Variants in MCPH1 observed in about 807,000 individuals in gnomAD.
The protein encoded by MCPH1 is microcephalin.
MCPH1 carries 104 observed loss-of-function variants against 84.5 expected under a neutral mutation model. That is an observed-to-expected ratio of 1.23 (90% confidence interval 1.05 to 1.45). The LOEUF (loss-of-function observed/expected upper bound fraction) is 1.45, where lower values mean the gene tolerates loss of function less well. Among genes scored for constraint, MCPH1 ranks in the 40% most tolerant of loss-of-function variants. The probability of loss-of-function intolerance (pLI) is 0.00; values close to 1 mark genes in which losing one functional copy is unlikely to be tolerated. For missense variants in MCPH1, 1,498 were observed against 1,005.7 expected, an observed-to-expected ratio of 1.49 and a Z score of -6.62; for synonymous variants, 514 against 366.8, an observed-to-expected ratio of 1.40 and a Z score of -4.58.
chr8:6,546,738 G>A (rs1013553128), intron 12 of MCPH1, among the ~76,000 whole-genome samples: 3 of 152,176 alleles, frequency 2.0e-5, no homozygotes, highest in African/African-American at 7.2e-5. Context: ...CTAGAAGCTT[G>A]CACTTGGTAG....
intron 12 of MCPH1, among the ~76,000 whole-genome samples, chr8:6,547,458 C>T (rs1159765408): frequency 6.6e-6 from 1 of 152,174 alleles, no homozygotes; most frequent in East Asian, 1.9e-4. Flanking sequence ...GCATGCCATT[C>T]AGAACTGACG....
chr8:6,533,569 CTTT>C (rs56882906), intron 12 of MCPH1, among the ~76,000 whole-genome samples: 10 of 113,350 alleles, frequency 8.8e-5, no homozygotes, highest in East Asian at 2.7e-4. Flanking sequence ...CGTTTAGTTT[CTTT>C]TTTTTTTTTT....
chr8:6,477,329 A>T, intron 9 of MCPH1: 1 of 441,358 alleles, frequency 2.3e-6, no homozygotes, highest in Non-Finnish European at 4.0e-6. Context: ...AACTGGTGGA[A>T]CAGATTCCTG....
intron 12 of MCPH1, among the ~76,000 whole-genome samples, chr8:6,593,857 A>G (rs992778045): frequency 5.9e-5 from 9 of 152,194 alleles, no homozygotes; most frequent in South Asian, 2.1e-4. Context: ...TCATTCCACA[A>G]CAATAGACCT....
chr8:6,444,893 G>C lies in MCPH1; in HGVS notation c.1171G>C (p.Glu391Gln). ...IMPRLQLCRS[E>Q]DRLQHVAGPA... ...GCCGAGGCTGCAGCTGTGCAGGTCG[G>C]AAGACAGGCTGCAGCACGTGGCGGG... The change falls in exon 8 of 14, where the codon GAA becomes CAA. Residue 391 changes from glutamate (E) to glutamine (Q), a missense_variant. Transcript: ENST00000344683. 1 of 1,614,158 alleles carries C rather than the reference G, an allele frequency of 6.2e-7. No homozygotes were observed. The highest frequency in any genetic ancestry group is 8.5e-7 in the Non-Finnish European group (1 of 1,180,008).
chr8:6,626,109 A>G, intron 13 of MCPH1: 1 of 985,350 alleles, frequency 1.0e-6, no homozygotes, highest in Non-Finnish European at 1.2e-6. Flanking sequence ...CTATGACGAT[A>G]AAAATTGTTA....
chr8:6,433,105 T>C (rs1034763586), intron 4 of MCPH1, among the ~76,000 whole-genome samples: 3 of 152,230 alleles, frequency 2.0e-5, no homozygotes, highest in African/African-American at 7.2e-5. Flanking sequence ...AATATGGTTT[T>C]GACCATTTCA....
At chr8:6,412,244 T>G in intron 2 of MCPH1, among the ~76,000 whole-genome samples, 1 of 151,896 alleles carries the variant, frequency 6.6e-6, no homozygotes, top group Non-Finnish European at 1.5e-5. Context: ...CCCGAGGGAG[T>G]CTGCATGTTG....
At chr8:6,618,880 T>C (rs929926808) in intron 12 of MCPH1, 2 of 152,232 alleles carry the variant, frequency 1.3e-5, no homozygotes, top group African/African-American at 4.8e-5. Flanking sequence ...GCTTTCCGCC[T>C]TCCCACTGGG....
At chr8:6,632,345 T>G (rs929495540) in intron 13 of MCPH1, among the ~76,000 whole-genome samples, 1 of 152,200 alleles carries the variant, frequency 6.6e-6, no homozygotes, top group Non-Finnish European at 1.5e-5. Flanking sequence ...AATTTTATGT[T>G]ATGTCTATCA....
chr8:6,486,245 G>A (rs1809889786), intron 11 of MCPH1, among the ~76,000 whole-genome samples: 1 of 149,386 alleles, frequency 6.7e-6, no homozygotes, highest in Non-Finnish European at 1.5e-5. Flanking sequence ...TATATACATT[G>A]ACTTTGTGTA....
intron 3 of MCPH1, among the ~76,000 whole-genome samples, chr8:6,426,243 A>G (rs1801042260): frequency 6.6e-6 from 1 of 152,188 alleles, no homozygotes; most frequent in Admixed American, 6.5e-5. Context: ...TTAAGTGTAC[A>G]TTCACGGGTT....
At chr8:6,632,460 G>C (rs1797232308) in intron 13 of MCPH1, among the ~76,000 whole-genome samples, 2 of 152,070 alleles carry the variant, frequency 1.3e-5, no homozygotes, top group South Asian at 4.1e-4. Context: ...CATTTTACAA[G>C]GCTACATTGA....
At chr8:6,520,107 A>G in intron 12 of MCPH1, 1 of 1,213,902 alleles carries the variant, frequency 8.2e-7, no homozygotes, top group Non-Finnish European at 1.1e-6. Context: ...TAAGTAAGCA[A>G]AAGGCTGTAC....
chr8:6,502,052 G>A (rs1182259997), intron 12 of MCPH1: 1 of 151,552 alleles, frequency 6.6e-6, no homozygotes, highest in Non-Finnish European at 1.5e-5. Context: ...TTAAATAGAA[G>A]GCTTTTCTCA....
intron 12 of MCPH1, among the ~76,000 whole-genome samples, chr8:6,619,982 A>G (rs930027606): frequency 2.0e-5 from 3 of 152,210 alleles, no homozygotes; most frequent in Non-Finnish European, 4.4e-5. Context: ...TGGCCCCGTG[A>G]TGCTAGGGAC....
At chr8:6,512,389 G>C (rs1477438700) in intron 12 of MCPH1, among the ~76,000 whole-genome samples, 1 of 152,086 alleles carries the variant, frequency 6.6e-6, no homozygotes, top group East Asian at 1.9e-4. Flanking sequence ...TGTCTGACTT[G>C]GGCATTAATG....
At position 6,642,750 on chromosome 8, in the gene MCPH1, CAT is replaced by C. The variant is rs1182033569; in HGVS notation, c.2453-243_2453-242del. The C allele has an allele frequency of 7.1e-6, 4 of 565,578 alleles. No individual in the cohort carries two copies. In the East Asian group the frequency reaches 1.3e-4, roughly 18 times the overall value. 35.0% of individuals were successfully genotyped at this position (565,578 alleles called of 1,614,324 possible). On this transcript the variant is annotated intron_variant, in intron 13 of 13. Coordinates refer to ENST00000344683, the MANE Select transcript of MCPH1 (RefSeq NM_024596.5). ...GGAACGTGCCCTGCATCTAATGGGA[CAT>C]GTGGCTACCAAGCACTTGAACTGGC...
intron 12 of MCPH1, among the ~76,000 whole-genome samples, chr8:6,586,476 C>T (rs901472672): frequency 3.3e-5 from 5 of 152,224 alleles, no homozygotes; most frequent in Non-Finnish European, 5.9e-5. Flanking sequence ...CTGATGCAGC[C>T]TCTGTACAGC....
Sources: allele counts gnomAD v4.1 joint callset (sites outside exome capture counted in the v4.1 genomes callset), GRCh38; gene constraint gnomAD v4.1.1; transcripts MANE v1.5; gene names NCBI Gene and HGNC (gene_info 2026-07-23, HGNC 2026-07-21).